SYNPR: variants seen among roughly 807,000 people sequenced by gnomAD.
SYNPR encodes synaptoporin.
Under a neutral mutation model 32.9 loss-of-function variants are expected in SYNPR, and 23 were observed. The ratio of observed to expected loss-of-function variants is 0.70; its 90% CI spans 0.50 to 0.99. SYNPR has a LOEUF of 0.99. Ranked by LOEUF, SYNPR falls within the 50% of genes least tolerant of loss-of-function variation. SYNPR has a pLI of 0.00. For synonymous variants in SYNPR, 146 were observed against 135.9 expected (o/e 1.07, Z -0.52); for missense variants, 318 against 349.3 (o/e 0.91, Z 0.71).
chr3:63,223,246 A>G, the SYNPR span, among the ~76,000 whole-genome samples: 1 of 151,738 alleles, frequency 6.6e-6, no homozygotes, highest in Non-Finnish European at 1.5e-5. Flanking sequence ...AACAGGAAAG[A>G]GCTCAGTGAT....
intron 3 of SYNPR, among the ~76,000 whole-genome samples, chr3:63,513,610 T>C (rs185607672): frequency 8.7e-4 from 132 of 152,234 alleles, no homozygotes; most frequent in Non-Finnish European, 1.8e-3. Context: ...GTAACCTTTA[T>C]TATTTATTGT....
chr3:63,565,898 G>A (rs1702775585), intron 4 of SYNPR, among the ~76,000 whole-genome samples: 1 of 152,058 alleles, frequency 6.6e-6, no homozygotes, highest in South Asian at 2.1e-4. Context: ...CTGTCATATT[G>A]TCTTCTATCC....
At chr3:63,473,406 TG>T (rs1700841734) in intron 2 of SYNPR, among the ~76,000 whole-genome samples, 1 of 152,134 alleles carries the variant, frequency 6.6e-6, no homozygotes, top group Non-Finnish European at 1.5e-5. Context: ...ATTGATTGAT[TG>T]ATTGTATTTC....
At chr3:63,604,991 G>A (rs149393261) in intron 4 of SYNPR, among the ~76,000 whole-genome samples, 12 of 152,044 alleles carry the variant, frequency 7.9e-5, no homozygotes, top group African/African-American at 2.9e-4. Flanking sequence ...TAACAAAATT[G>A]CGATCATTTT....
intron 3 of SYNPR, among the ~76,000 whole-genome samples, chr3:63,483,175 G>T (rs951398705): frequency 2.0e-5 from 3 of 152,168 alleles, no homozygotes; most frequent in African/African-American, 7.2e-5. Flanking sequence ...CATGTAATAT[G>T]CATGTAATGA....
chr3:63,595,516 C>T (rs982203456), intron 4 of SYNPR, among the ~76,000 whole-genome samples: 1 of 150,732 alleles, frequency 6.6e-6, no homozygotes, highest in Non-Finnish European at 1.5e-5. Context: ...CTCCTGGGAC[C>T]AAAAACTCCA....
rs368402567 is a variant in SYNPR, at chr3:63,443,437, C to A, written c.85-37395C>A. 16 of 1,606,492 alleles carry A rather than the reference C, an allele frequency of 1.0e-5. No homozygotes were observed. The African/African-American group carries it at 2.0e-4, about 20-fold the overall frequency. ...GGAGAGGGAAGTTGGATTATCAATTCTTTTGTAAATGTGTATGGTGATATT... is the reference window on the plus strand; with the variant it reads ...GGAGAGGGAAGTTGGATTATCAATTATTTTGTAAATGTGTATGGTGATATT... On this transcript the variant is annotated intron_variant, in intron 2 of 5. Transcript: ENST00000478300.
chr3:63,539,397 G>C (rs1322067970), intron 3 of SYNPR, among the ~76,000 whole-genome samples: 1 of 152,062 alleles, frequency 6.6e-6, no homozygotes, highest in Non-Finnish European at 1.5e-5. Context: ...GAACCTAACA[G>C]GAATGCAAAT....
chr3:63,211,799 G>A, the SYNPR span, among the ~76,000 whole-genome samples: 3 of 139,322 alleles, frequency 2.2e-5, no homozygotes, highest in African/African-American at 5.4e-5. Flanking sequence ...ATGCTGGTGC[G>A]CTGCACCCAC....
intron 2 of SYNPR, among the ~76,000 whole-genome samples, chr3:63,446,011 T>C (rs1700271133): frequency 6.6e-6 from 1 of 152,180 alleles, no homozygotes; most frequent in African/African-American, 2.4e-5. Flanking sequence ...AAGATATGAG[T>C]GTGACTAAAT....
chr3:63,431,410 A>C (rs1002219257), intron 2 of SYNPR, among the ~76,000 whole-genome samples: 1 of 152,228 alleles, frequency 6.6e-6, no homozygotes, highest in African/African-American at 2.4e-5. Context: ...AGGTCTGTCC[A>C]TTCATTCAAT....
chr3:63,201,858 G>A, the SYNPR span, among the ~76,000 whole-genome samples: 1 of 151,934 alleles, frequency 6.6e-6, no homozygotes, highest in African/African-American at 2.4e-5. Context: ...TTGAATTATA[G>A]GCTACTATTT....
In SYNPR at chr3:63,282,609, C is replaced by T. The variant is rs79177041; in HGVS notation, c.84+3867C>T. On this transcript the variant is annotated intron_variant, in intron 2 of 5. Coordinates refer to ENST00000478300, the MANE Select transcript of SYNPR (RefSeq NM_001130003.2). ...GAGGTGGGAGGATCGCTTGAGCCCA[C>T]GAGGTCAAGGCTACAGTGAGCTGTG... Among the ~76,000 whole-genome samples the T allele has an allele frequency of 3.6e-3, 538 of 149,750 alleles. 5 individuals carry two copies. Among genetic ancestry groups the T allele is most frequent in the Non-Finnish European group, 5.2e-3 (352 of 67,696 alleles).
Position 63,557,789 on chromosome 3 carries a change from C to G in SYNPR, c.408+1048C>G, listed in dbSNP as rs1702619645. On this transcript the variant is annotated intron_variant, in intron 4 of 5. Transcript: ENST00000478300. ...AAGCAAGCTTTCTCAGCATTTACATCTAAAAAAGGAAAAATGGAAATGAAA... is the reference window on the plus strand; with the variant it reads ...AAGCAAGCTTTCTCAGCATTTACATGTAAAAAAGGAAAAATGGAAATGAAA... Among the ~76,000 whole-genome samples, 6 of 152,070 alleles carry G rather than the reference C, an allele frequency of 3.9e-5. No individual in the cohort carries two copies. In the South Asian group the frequency reaches 1.0e-3, roughly 26 times the overall value.
rs1425290946 is a variant in SYNPR at position 63,564,833 on chromosome 3, T to TA, written c.408+8097dup. 9.2e-5 allele frequency among the ~76,000 whole-genome samples: 14 copies of TA among 152,330 alleles called. No individual in the cohort carries two copies. The East Asian group carries it at 2.7e-3, about 29-fold the overall frequency. ...ACATTTCTCGAATTAGCTACTTTAA[T>TA]AAAAAGATGAGCTGTAGTTCTGTAG... On this transcript the variant is annotated intron_variant, in intron 4 of 5. Transcript: ENST00000478300.
chr3:63,408,719 A>G (rs1446236138), intron 2 of SYNPR, among the ~76,000 whole-genome samples: 2 of 152,140 alleles, frequency 1.3e-5, no homozygotes, highest in African/African-American at 2.4e-5. Flanking sequence ...TGAGCCCTCA[A>G]TGGATTGGAT....
the SYNPR span, among the ~76,000 whole-genome samples, chr3:63,207,350 T>C: frequency 6.6e-6 from 1 of 152,244 alleles, no homozygotes; most frequent in African/African-American, 2.4e-5. Flanking sequence ...TATCTGATAA[T>C]GCTAATTCTC....
chr3:63,399,636 T>C (rs1389197258), intron 2 of SYNPR, among the ~76,000 whole-genome samples: 2 of 152,068 alleles, frequency 1.3e-5, no homozygotes, highest in Non-Finnish European at 2.9e-5. Flanking sequence ...GGAGGTTAGG[T>C]TTCAATATAT....
chr3:63,221,125 G>A, the SYNPR span, among the ~76,000 whole-genome samples: 1 of 152,062 alleles, frequency 6.6e-6, no homozygotes, highest in African/African-American at 2.4e-5. Flanking sequence ...CATTTGAGAG[G>A]CCTGTGATAA....
Sources: allele counts gnomAD v4.1 joint callset (sites outside exome capture counted in the v4.1 genomes callset), GRCh38; gene constraint gnomAD v4.1.1; transcripts MANE v1.5; gene names NCBI Gene and HGNC (gene_info 2026-07-23, HGNC 2026-07-21).